HTRA3: variants seen among roughly 807,000 people sequenced by gnomAD.
HTRA3 encodes serine protease HTRA3.
A neutral mutation model predicts 43.2 loss-of-function variants in HTRA3; 41 were observed. The observed-to-expected ratio is 0.95, with a 90% CI of 0.74 to 1.23. The LOEUF is 1.23. Among genes scored for constraint, HTRA3 ranks in the 50% most tolerant of loss-of-function variants. The pLI is 0.00. For missense variants in HTRA3, 628 were observed against 647.1 expected (o/e 0.97, Z 0.32); for synonymous variants, 295 against 287.9 (o/e 1.02, Z -0.25).
In HTRA3 at chr4:8,291,535, G is replaced by A. The variant is rs1363693947; in HGVS notation, c.874G>A (p.Asp292Asn). The A allele has an allele frequency of 9.3e-6, 15 of 1,608,028 alleles. No individual in the cohort carries two copies. The highest frequency in any genetic ancestry group is 1.1e-5 in the Non-Finnish European group (13 of 1,177,322). Residue 292 changes from aspartate (D) to asparagine (N), a missense_variant, in exon 4 of 9, where the codon GAC (aspartate) becomes AAC (asparagine). By Grantham distance (23) the Asp-to-Asn change is conservative (BLOSUM62 1). Coordinates refer to ENST00000307358, the MANE Select transcript of HTRA3 (RefSeq NM_053044.5). ...RELGLRDSDM[D>N]YIQTDAIINY... is the part of the protein sequence containing the mutation. The stretch of plus-strand genomic sequence containing the variant: ...GCTGGGCCTCCGGGACTCCGACATG[G>A]ACTACATCCAGACGGATGCCATCAT...
rs1161078359 is a variant in HTRA3 at position 8,279,945 on chromosome 4, A to G, written c.386-2492A>G. ...TCCAGCAGCTGTCACAGGTGGGCAC[A>G]CAGGAGGCACCCTGCACGAGTGGCT... is the stretch of plus-strand genomic sequence containing the variant. On this transcript the variant is annotated intron_variant, in intron 1 of 8. Coordinates refer to ENST00000307358, the MANE Select transcript of HTRA3 (RefSeq NM_053044.5). The surrounding 1 kb of genome is among the most constrained non-coding windows in gnomAD (Gnocchi z 7.4). Among the ~76,000 whole-genome samples the G allele has an allele frequency of 6.6e-6, 1 of 152,092 alleles. No individual in the cohort carries two copies. Among genetic ancestry groups the G allele is most frequent in the Non-Finnish European group, 1.5e-5 (1 of 68,022 alleles).
At chr4:8,301,328 TGA>T (rs2153007179) in intron 6 of HTRA3, among the ~76,000 whole-genome samples, 1 of 152,232 alleles carries the variant, frequency 6.6e-6, no homozygotes, top group South Asian at 2.1e-4. Flanking sequence ...TCTTTATTAT[TGA>T]GTCACACTCT....
At chr4:8,277,892 G>A (rs897606472) in intron 1 of HTRA3, among the ~76,000 whole-genome samples, 1 of 152,210 alleles carries the variant, frequency 6.6e-6, no homozygotes, top group Admixed American at 6.5e-5. Flanking sequence ...TAATTGCAGA[G>A]GGCACTAAAA....
chr4:8,292,838 G>A (rs905353393), intron 5 of HTRA3, among the ~76,000 whole-genome samples: 4 of 152,182 alleles, frequency 2.6e-5, no homozygotes, highest in Non-Finnish European at 1.5e-5. Context: ...CACCCCTGAA[G>A]CTCCTATCCA....
Position 8,296,125 on chromosome 4 carries a change from T to G in HTRA3, c.1051+1924T>G. On this transcript the variant is annotated intron_variant, in intron 6 of 8. Transcript: ENST00000307358. This position sits in a 1 kb window ranked among gnomAD's most constrained non-coding sequence, Gnocchi z 5.3. ...CCTCCTTACTGGAAATTAGCGGAGC[T>G]GCTGTTTGCACACACTGAGCTGTGA... 7 of 1,000,408 alleles carry G rather than the reference T, an allele frequency of 7.0e-6. No individual in the cohort carries two copies. Among genetic ancestry groups the G allele is most frequent in the Non-Finnish European group, 7.1e-6 (6 of 840,194 alleles). The allele number at this position is 1,000,408 out of a possible 1,614,324, so 62.0% of individuals were successfully genotyped here.
At chr4:8,281,360 C>A (rs1712735791) in intron 1 of HTRA3, among the ~76,000 whole-genome samples, 1 of 152,152 alleles carries the variant, frequency 6.6e-6, no homozygotes, top group Non-Finnish European at 1.5e-5. Flanking sequence ...CTTTGCTCCC[C>A]ATTGCCAAGG....
chr4:8,270,034 G>A lies in HTRA3; in HGVS notation c.66G>A (p.Ala22=), dbSNP rs1712182809. The stretch of plus-strand genomic sequence containing the variant: ...TGGCGCTGGCCCGGGAGCCCCCTGC[G>A]GCGCCGTGTCCCGCGCGCTGCGACG... The part of the protein sequence containing the change: ...AALALAREPP[A]APCPARCDVS... The change falls in exon 1 of 9, where the codon GCG becomes GCA. Residue 22 remains alanine (A), a synonymous_variant. Coordinates refer to ENST00000307358, the MANE Select transcript of HTRA3 (RefSeq NM_053044.5). 1.5e-6 allele frequency: 2 copies of A among 1,374,146 alleles called. No homozygotes were observed. Among genetic ancestry groups the A allele is most frequent in the Non-Finnish European group, 1.9e-6 (2 of 1,068,842 alleles). 85.1% of individuals were successfully genotyped at this position (1,374,146 alleles called of 1,614,324 possible).
chr4:8,294,752 TTCCATCCACCCATCCACCTATCCA>T (rs1490671928), intron 6 of HTRA3, among the ~76,000 whole-genome samples: 1 of 132,562 alleles, frequency 7.5e-6, no homozygotes, highest in African/African-American at 2.9e-5. Context: ...CCACCCATCT[TTCCATCCACCCATCCACCTATCCA>T]TCCATCCATC....
chr4:8,284,265 T>C (rs187174893), intron 2 of HTRA3, among the ~76,000 whole-genome samples: 4 of 152,246 alleles, frequency 2.6e-5, no homozygotes, highest in South Asian at 2.1e-4. Context: ...AGACATGTCA[T>C]TGAGGAAATT....
chr4:8,302,371 C>A (rs1713683292), intron 6 of HTRA3, 92 bp from the exon 7 acceptor site: 2 of 1,198,708 alleles, frequency 1.7e-6, no homozygotes, highest in Non-Finnish European at 2.5e-6. Context: ...CCTGGTCCTG[C>A]AGGGGAACTT....
At chr4:8,300,785 TTTA>T (rs1713611569) in intron 6 of HTRA3, among the ~76,000 whole-genome samples, 1 of 152,090 alleles carries the variant, frequency 6.6e-6, no homozygotes, top group Admixed American at 6.6e-5. Flanking sequence ...CACACTCATC[TTTA>T]TTATTGATTC....
At chr4:8,294,419 C>G (rs1200296864) in intron 6 of HTRA3, among the ~76,000 whole-genome samples, 1 of 151,850 alleles carries the variant, frequency 6.6e-6, no homozygotes, top group Non-Finnish European at 1.5e-5. Context: ...ATCATCGATT[C>G]GTGATCGGCT....
At chr4:8,275,318 C>T (rs979085648) in intron 1 of HTRA3, among the ~76,000 whole-genome samples, 4 of 152,186 alleles carry the variant, frequency 2.6e-5, no homozygotes, top group African/African-American at 7.2e-5. Flanking sequence ...AGGGACTTGG[C>T]GAGACCCGGA....
At position 8,294,191 on chromosome 4, in the gene HTRA3, G is replaced by A. The variant is rs1713353406; in HGVS notation, c.1041G>A (p.Lys347=). The A allele has an allele frequency of 6.2e-7, 1 of 1,610,856 alleles. No homozygotes were observed. Among genetic ancestry groups the A allele is most frequent in the African/African-American group, 1.3e-5 (1 of 74,842 alleles). Residue 347 remains lysine, a synonymous_variant, in exon 6 of 9, where the codon AAG becomes AAA. Transcript: ENST00000307358. The stretch of plus-strand genomic sequence containing the variant: ...GGTTCCTCACAGAGTTCCAAGACAA[G>A]CAGATCAAAGGTAAAGAGCTCACCT... The part of the protein sequence containing the change: ...ITRFLTEFQD[K]QIKDWKKRFI...
At chr4:8,289,207 C>T (rs761205081) in intron 3 of HTRA3, among the ~76,000 whole-genome samples, 5 of 152,222 alleles carry the variant, frequency 3.3e-5, no homozygotes, top group Non-Finnish European at 7.3e-5. Context: ...GCCTCGGCCT[C>T]CCAAAGTGTT....
Position 8,305,954 on chromosome 4 carries a change from G to A in HTRA3, c.1197-17G>A, listed in dbSNP as rs531934895. 1.6e-5 allele frequency: 25 copies of A among 1,611,110 alleles called. No homozygotes were observed. The highest frequency in any genetic ancestry group is 1.1e-4 in the East Asian group (5 of 44,788). Reference sequence around the variant, plus strand: ...TGGGGAGGCGGTGGGTGGTGACCCCGTCTCTCCTGTTGGCAGAGGCGGCAT... The same window carrying A: ...TGGGGAGGCGGTGGGTGGTGACCCCATCTCTCCTGTTGGCAGAGGCGGCAT... On this transcript the variant is annotated splice_polypyrimidine_tract_variant and intron_variant, in intron 8 of 8. Coordinates refer to ENST00000307358, the MANE Select transcript of HTRA3 (RefSeq NM_053044.5).
chr4:8,304,548 A>G (rs1713765659), intron 8 of HTRA3, among the ~76,000 whole-genome samples: 1 of 151,598 alleles, frequency 6.6e-6, no homozygotes, highest in Non-Finnish European at 1.5e-5. Flanking sequence ...ACCCACTCCA[A>G]GCCAGACTCT....
intron 1 of HTRA3, among the ~76,000 whole-genome samples, chr4:8,281,903 C>T (rs10938705): frequency 0.33 from 49,837 of 152,192 alleles, 9,843 homozygotes; most frequent in Non-Finnish European, 0.44. Flanking sequence ...AGGGGCCACA[C>T]TGTGTCCGGG....
Position 8,295,754 on chromosome 4 carries a change from G to T in HTRA3, c.1051+1553G>T. Reference sequence around the variant, plus strand: ...TTCCTCACGTTTCCCCCTCCTCCATGACCCCGTCAGCCAAGCACATGGACC... The same window carrying T: ...TTCCTCACGTTTCCCCCTCCTCCATTACCCCGTCAGCCAAGCACATGGACC... On this transcript the variant is annotated intron_variant, in intron 6 of 8. Coordinates refer to ENST00000307358, the MANE Select transcript of HTRA3 (RefSeq NM_053044.5). The surrounding 1 kb of genome is among the most constrained non-coding windows in gnomAD (Gnocchi z 6.9). 1 of 1,312,736 alleles carries T rather than the reference G, an allele frequency of 7.6e-7. No individual in the cohort carries two copies. Among genetic ancestry groups the T allele is most frequent in the Non-Finnish European group, 9.7e-7 (1 of 1,028,240 alleles). 81.3% of individuals were successfully genotyped at this position (1,312,736 alleles called of 1,614,324 possible). A position where few individuals can be genotyped will look rare whatever the true frequency, so the allele number is the denominator to read the frequency against.
Sources: gnomAD v4.1 joint callset for allele counts (sites outside exome capture counted in the v4.1 genomes callset) on GRCh38, gnomAD v4.1.1 for gene constraint, Gnocchi (gnomAD v3.1) non-coding constraint, MANE v1.5 for transcripts, NCBI Gene and HGNC (gene_info 2026-07-23, HGNC 2026-07-21) for gene names.